NPHP4: variants seen among roughly 807,000 people sequenced by gnomAD.
NPHP4 encodes nephrocystin 4, also known as nephrocystin-4.
A neutral mutation model predicts 155.8 loss-of-function variants in NPHP4; 151 were observed. The observed-to-expected ratio is 0.97, with a 90% confidence interval of 0.85 to 1.11. The LOEUF (loss-of-function observed/expected upper bound fraction) is 1.11, where lower values mean the gene tolerates loss of function less well. Ranked by LOEUF, NPHP4 falls within the 50% of genes least tolerant of loss-of-function variation. The pLI is 0.00. For synonymous variants in NPHP4, 845 were observed against 816.8 expected (o/e 1.03, Z -0.59); for missense variants, 1,956 against 1,925.7 (o/e 1.02, Z -0.29).
intron 11 of NPHP4, among the ~76,000 whole-genome samples, chr1:5,921,726 G>C (rs1645749756): frequency 6.6e-6 from 1 of 152,192 alleles, no homozygotes; most frequent in South Asian, 2.1e-4. Flanking sequence ...TATTGATTTG[G>C]AGGACTTCTT....
intron 11 of NPHP4, among the ~76,000 whole-genome samples, chr1:5,922,348 A>T (rs1645785162): frequency 6.6e-6 from 1 of 152,200 alleles, no homozygotes; most frequent in African/African-American, 2.4e-5. Context: ...TGTAACAGCA[A>T]CCAGAAACTA....
chr1:5,956,736 G>C (rs17028951), intron 6 of NPHP4, among the ~76,000 whole-genome samples: 27,354 of 152,168 alleles, frequency 0.18, 2,527 homozygotes, highest in African/African-American at 0.22. Flanking sequence ...ACGCTCTACT[G>C]TAGGAGGCTT....
chr1:5,893,292 T>A (rs187811368), intron 16 of NPHP4, among the ~76,000 whole-genome samples: 1 of 152,046 alleles, frequency 6.6e-6, no homozygotes, highest in Non-Finnish European at 1.5e-5. Context: ...CTACCACCAA[T>A]GCGCAGAGAC....
intron 23 of NPHP4, among the ~76,000 whole-genome samples, chr1:5,869,607 T>C (rs907534624): frequency 2.0e-5 from 3 of 152,268 alleles, no homozygotes; most frequent in Non-Finnish European, 4.4e-5. Flanking sequence ...TAAGTAAATG[T>C]AAATCACAGG....
At chr1:5,930,922 T>G (rs1646240532) in intron 10 of NPHP4, among the ~76,000 whole-genome samples, 1 of 152,196 alleles carries the variant, frequency 6.6e-6, no homozygotes, top group Non-Finnish European at 1.5e-5. Flanking sequence ...GTTCAATCAG[T>G]TTTTGCTTCA....
intron 11 of NPHP4, among the ~76,000 whole-genome samples, chr1:5,912,790 G>A (rs913072111): frequency 1.3e-5 from 2 of 152,166 alleles, no homozygotes; most frequent in African/African-American, 4.8e-5. Context: ...AGACCTCCAC[G>A]GCAAGCAGCA....
intron 11 of NPHP4, among the ~76,000 whole-genome samples, chr1:5,915,028 G>C (rs1456851162): frequency 4.6e-5 from 7 of 152,204 alleles, no homozygotes; most frequent in African/African-American, 1.7e-4. Flanking sequence ...TCCTAACAGA[G>C]GAAAATGCTC....
intron 6 of NPHP4, among the ~76,000 whole-genome samples, chr1:5,960,599 C>T (rs754179004): frequency 1.4e-4 from 22 of 152,104 alleles, no homozygotes; most frequent in South Asian, 4.1e-4. Flanking sequence ...CCAAGACACC[C>T]GAGGTTCTGG....
chr1:5,922,808 C>T (rs1237194355), intron 11 of NPHP4, among the ~76,000 whole-genome samples: 2 of 147,480 alleles, frequency 1.4e-5, no homozygotes, highest in Admixed American at 1.3e-4. Flanking sequence ...TGCCTGCAGT[C>T]CTGGCTTAGC....
At chr1:5,972,353 G>A (rs1488597600) in intron 3 of NPHP4, among the ~76,000 whole-genome samples, 1 of 10,836 alleles carries the variant, frequency 9.2e-5, no homozygotes, top group Non-Finnish European at 1.9e-4. Flanking sequence ...GCAGGGATCG[G>A]GGGAGCCCAG....
chr1:5,868,151 T>C (rs185916041), intron 23 of NPHP4: 2 of 605,196 alleles, frequency 3.3e-6, no homozygotes, highest in East Asian at 3.1e-5. Flanking sequence ...CTGCCATTAT[T>C]CCTCGCGAGT....
Position 5,867,392 on chromosome 1 carries a change from G to A in NPHP4, c.3473-277C>T. ...ACAAAAAAGAAAACACAGCTCCCTG[G>A]AGCAGGGAAGCCTGCACTCTGCTGT... is the stretch of plus-strand genomic sequence containing the variant. On this transcript the variant is annotated intron_variant, in intron 24 of 29. Coordinates refer to ENST00000378156, the MANE Select transcript of NPHP4 (RefSeq NM_015102.5). This position sits in a 1 kb window ranked among gnomAD's most constrained non-coding sequence, Gnocchi z 4.1. 1.8e-6 allele frequency: 1 copy of A among 544,066 alleles called. No homozygotes were observed. The highest frequency in any genetic ancestry group is 3.3e-6 in the Non-Finnish European group (1 of 306,342). 33.7% of individuals were successfully genotyped at this position (544,066 alleles called of 1,614,324 possible). A position where few individuals can be genotyped will look rare whatever the true frequency, so the allele number is the denominator to read the frequency against.
At chr1:5,948,398 G>A (rs1647252434) in intron 7 of NPHP4, 147 bp from the exon 8 acceptor site, 1 of 634,772 alleles carries the variant, frequency 1.6e-6, no homozygotes, top group South Asian at 2.1e-5. Context: ...CAAGATGAGT[G>A]CAAGCAAATG....
rs6668184 is a variant in NPHP4 at position 5,901,955 on chromosome 1, C to A, written c.2143+2662G>T. 6.4e-3 allele frequency among the ~76,000 whole-genome samples: 981 copies of A among 152,282 alleles called. 10 individuals carry two copies. Among genetic ancestry groups the A allele is most frequent in the African/African-American group, 0.023 (942 of 41,550 alleles). On this transcript the variant is annotated intron_variant, in intron 16 of 29. Coordinates refer to ENST00000378156, the MANE Select transcript of NPHP4 (RefSeq NM_015102.5). The stretch of plus-strand genomic sequence containing the variant: ...CCCTGGTGGTGACCAGCCCCCTCCC[C>A]CAAAGACAAAGGCCACACCCCTGGT...
rs529415617 is a variant in NPHP4 at position 5,874,975 on chromosome 1, G to A, written c.2943C>T (p.Leu981=). The A allele has an allele frequency of 2.5e-6, 4 of 1,613,028 alleles. No homozygotes were observed. The South Asian group carries it at 4.4e-5, about 18-fold the overall frequency. Residue 981 remains leucine, a synonymous_variant, in exon 21 of 30, where the codon CTC becomes CTT. Transcript: ENST00000378156. ...ACTCGGCGACCCCCAGCGTGGCGTG[G>A]AGCGTGTGCTCCGTGGTGATGGCCA... The part of the protein sequence containing the change: ...LSLAITTEHT[L]HATLGVAEFF...
At chr1:5,925,012 C>T (rs1011994) in intron 11 of NPHP4, among the ~76,000 whole-genome samples, 25,963 of 152,022 alleles carry the variant, frequency 0.17, 2,280 homozygotes, top group African/African-American at 0.21. Flanking sequence ...TCATATTTTT[C>T]CTGAAAGCTA....
At chr1:5,911,833 TC>T (rs1409046002) in intron 11 of NPHP4, among the ~76,000 whole-genome samples, 11 of 152,148 alleles carry the variant, frequency 7.2e-5, no homozygotes, top group African/African-American at 2.7e-4. Flanking sequence ...TTAAGGTGCT[TC>T]CCAAACTATA....
chr1:5,967,366 G>C lies in NPHP4; in HGVS notation c.453-3C>G, dbSNP rs1245816130. The stretch of plus-strand genomic sequence containing the variant: ...GGGTGCCATGGTACAGCCGCAACCT[G>C]GAAGACAGGACCCAGAGAACAGTCG... On this transcript the variant is annotated splice_region_variant and splice_polypyrimidine_tract_variant and intron_variant, in intron 4 of 29. Coordinates refer to ENST00000378156, the MANE Select transcript of NPHP4 (RefSeq NM_015102.5). The C allele has an allele frequency of 6.2e-7, 1 of 1,603,796 alleles. No individual in the cohort carries two copies. The highest frequency in any genetic ancestry group is 1.7e-5 in the Admixed American group (1 of 58,568).
intron 18 of NPHP4, among the ~76,000 whole-genome samples, chr1:5,884,123 G>T (rs1318805017): frequency 6.6e-6 from 1 of 152,206 alleles, no homozygotes; most frequent in Non-Finnish European, 1.5e-5. Context: ...CAACTTGGAT[G>T]TTAAATTAGT....
Sources: gnomAD v4.1 joint callset for allele counts (sites outside exome capture counted in the v4.1 genomes callset) on GRCh38, gnomAD v4.1.1 for gene constraint, Gnocchi (gnomAD v3.1) non-coding constraint, MANE v1.5 for transcripts, NCBI Gene and HGNC (gene_info 2026-07-23, HGNC 2026-07-21) for gene names.